Variants in MCF2 observed in about 807,000 individuals in gnomAD.
MCF2 encodes proto-oncogene DBL.
In MCF2, 44 loss-of-function variants were observed where a neutral mutation model predicts 82.5. That is an observed-to-expected ratio of 0.53 (90% confidence interval 0.42 to 0.69). MCF2 has a LOEUF of 0.69. Ranked by LOEUF, MCF2 falls within the 30% of genes least tolerant of loss-of-function variation. MCF2 has a pLI of 0.00. For synonymous variants in MCF2, 217 were observed against 224.9 expected (o/e 0.96, Z 0.32); for missense variants, 623 against 663.1 (o/e 0.94, Z 0.66).
rs145976928 is a variant in MCF2, at chrX:139,658,049, T to C, written c.-44-6261A>G. 9.7e-3 allele frequency among the ~76,000 whole-genome samples: 1,070 copies of C among 110,814 alleles called. 12 individuals carry two copies. Among genetic ancestry groups the C allele is most frequent in the African/African-American group, 0.033 (1,002 of 30,074 alleles). On this transcript the variant is annotated intron_variant, in intron 1 of 27. Transcript: ENST00000414978. ...TAGAATAAGATTTAATGGTATATTC[T>C]CAGCAACAGTAAGTGATTCTAGGAA...
exon 9 of MCF2, chrX:139,616,454 T>C: frequency 8.9e-7 from 1 of 1,121,411 alleles, no homozygotes; most frequent in East Asian, 3.1e-5. Flanking sequence ...ACATTCCCCT[T>C]CATCACAGCA....
chrX:139,681,649 C>T (rs777953986), intron 1 of MCF2, among the ~76,000 whole-genome samples: 1 of 111,651 alleles, frequency 9.0e-6, no homozygotes, highest in South Asian at 3.7e-4. Flanking sequence ...GTGTATGATC[C>T]CAGTTTGGTA....
At chrX:139,701,568 T>C (rs1935499161) in intron 1 of MCF2, among the ~76,000 whole-genome samples, 1 of 111,883 alleles carries the variant, frequency 8.9e-6, no homozygotes, top group Non-Finnish European at 1.9e-5. Context: ...TGGCCTGCTT[T>C]ATATATTTCA....
At chrX:139,638,454 C>G (rs1224978409) in intron 1 of MCF2, among the ~76,000 whole-genome samples, 1 of 111,375 alleles carries the variant, frequency 9.0e-6, no homozygotes, top group Non-Finnish European at 1.9e-5. Context: ...CATACTCCTC[C>G]TATATGACGA....
At chrX:139,605,302 C>G (rs1930901230) in intron 13 of MCF2, among the ~76,000 whole-genome samples, 1 of 110,538 alleles carries the variant, frequency 9.0e-6, no homozygotes, top group Admixed American at 9.7e-5. Flanking sequence ...AAAACATAGA[C>G]TACAGGTCAT....
intron 19 of MCF2, among the ~76,000 whole-genome samples, chrX:139,593,913 C>T (rs1157415619): frequency 3.6e-5 from 4 of 110,831 alleles, no homozygotes; most frequent in African/African-American, 1.3e-4. Flanking sequence ...AAATCACAAG[C>T]ATTCTTATAC....
intron 1 of MCF2, among the ~76,000 whole-genome samples, chrX:139,673,821 G>A (rs1479932144): frequency 1.8e-5 from 2 of 111,786 alleles, no homozygotes; most frequent in Non-Finnish European, 3.8e-5. Flanking sequence ...TTCTGTAGAT[G>A]TCTATTAGGT....
chrX:139,660,357 A>G (rs1934323799), intron 1 of MCF2, among the ~76,000 whole-genome samples: 2 of 112,235 alleles, frequency 1.8e-5, no homozygotes, highest in Admixed American at 1.9e-4. Flanking sequence ...AAACTCCATT[A>G]TTTTTACAGC....
At chrX:139,596,655 C>T in exon 19 of MCF2, 10 of 1,208,963 alleles carry the variant, frequency 8.3e-6, no homozygotes, top group African/African-American at 1.7e-5. Context: ...GAAAAGGTGT[C>T]GCTGCATTGG....
chrX:139,678,809 T>TA (rs1477792287), intron 1 of MCF2, among the ~76,000 whole-genome samples: 2 of 112,279 alleles, frequency 1.8e-5, no homozygotes, highest in African/African-American at 6.5e-5. Context: ...CAACATTTTT[T>TA]AAAAAATCTA....
intron 6 of MCF2, among the ~76,000 whole-genome samples, chrX:139,622,732 G>C (rs1025165392): frequency 3.7e-5 from 4 of 108,947 alleles, no homozygotes; most frequent in Middle Eastern, 9.5e-3. Flanking sequence ...GGCCTGTTGT[G>C]GGGTGGGGGG....
intron 1 of MCF2, among the ~76,000 whole-genome samples, chrX:139,707,700 C>T (rs1379494547): frequency 8.9e-6 from 1 of 111,850 alleles, no homozygotes; most frequent in Non-Finnish European, 1.9e-5. Context: ...GGAACCACAC[C>T]AAGGTACAGC....
intron 1 of MCF2, among the ~76,000 whole-genome samples, chrX:139,638,032 G>A (rs1182210859): frequency 9.0e-6 from 1 of 111,645 alleles, no homozygotes; most frequent in Non-Finnish European, 1.9e-5. Context: ...CAGCTCTGCT[G>A]ACCCTTGATT....
chrX:139,702,749 C>T (rs1005661094), intron 1 of MCF2, among the ~76,000 whole-genome samples: 2 of 112,458 alleles, frequency 1.8e-5, no homozygotes, highest in African/African-American at 6.5e-5. Context: ...AAGGGAAGTG[C>T]AGAGCTGGCC....
intron 1 of MCF2, among the ~76,000 whole-genome samples, chrX:139,699,370 A>ATACAATTCTCCCATTTAAAGTG (rs767664390): frequency 8.9e-5 from 10 of 112,287 alleles, no homozygotes; most frequent in Admixed American, 4.7e-4. Context: ...TGCACATGCC[A>ATACAATTCTCCCATTTAAAGTG]TACAATTCTC....
chrX:139,637,987 A>C (rs1933334218), intron 1 of MCF2, among the ~76,000 whole-genome samples: 1 of 111,259 alleles, frequency 9.0e-6, no homozygotes, highest in Non-Finnish European at 1.9e-5. Context: ...AAAGTCAAAG[A>C]AACAGATTCT....
At chrX:139,652,465 A>C (rs1317371160) in intron 1 of MCF2, among the ~76,000 whole-genome samples, 2 of 111,700 alleles carry the variant, frequency 1.8e-5, no homozygotes, top group Non-Finnish European at 3.8e-5. Flanking sequence ...GTAAGTGTTC[A>C]ATAAAAAGTA....
rs1711891512 is a variant in MCF2 at position 139,604,726 on chromosome X, AT to A, written c.1697del (p.Asn566IlefsTer53). ...CCACTCTTTCTGGAGCATGAGCACA[AT>A]TTTCCAGGCTGCTCAAGAAAATGCT... On this transcript the variant is annotated frameshift_variant, in exon 15 of 25. Coordinates refer to ENST00000370576, the Ensembl canonical transcript of MCF2. LOFTEE classifies it high-confidence loss of function. 3 of 1,198,958 alleles carry A rather than the reference AT, an allele frequency of 2.5e-6. No homozygotes were observed. The highest frequency in any genetic ancestry group is 2.2e-6 in the Non-Finnish European group (2 of 889,043).
rs147942558 is a variant in MCF2 at position 139,674,358 on chromosome X, G to C, written c.-44-22570C>G. 9.6e-3 allele frequency among the ~76,000 whole-genome samples: 1,075 copies of C among 111,587 alleles called. 12 individuals are homozygous for C. The highest frequency in any genetic ancestry group is 0.033 in the African/African-American group (1,009 of 30,632). On this transcript the variant is annotated intron_variant, in intron 1 of 27. Coordinates refer to the MCF2 transcript ENST00000414978. ...TATAGTTATGTGTGAATTTGATCCT[G>C]TCATTATGATGTTAGCTGGTTACTT...
Sources: allele counts gnomAD v4.1 joint callset (sites outside exome capture counted in the v4.1 genomes callset), GRCh38; gene constraint gnomAD v4.1.1; transcripts MANE v1.5; gene names NCBI Gene and HGNC (gene_info 2026-07-23, HGNC 2026-07-21).